The following SLC17A2 variants were observed in gnomAD, a reference collection of about 807,000 sequenced individuals.
SLC17A2 encodes the protein solute carrier family 17 member 2.
A neutral mutation model predicts 52.1 loss-of-function variants in SLC17A2; 38 were observed. The ratio of observed to expected loss-of-function variants is 0.73; its 90% CI spans 0.56 to 0.96. SLC17A2 has a LOEUF of 0.96. Ranked by LOEUF, SLC17A2 falls within the 40% of genes least tolerant of loss-of-function variation. The pLI is 0.00. For synonymous variants in SLC17A2, 226 were observed against 211.9 expected, an observed-to-expected ratio of 1.07 and a Z score of -0.58; for missense variants, 508 against 583.9, an observed-to-expected ratio of 0.87 and a Z score of 1.34.
intron 1 of SLC17A2, among the ~76,000 whole-genome samples, chr6:25,927,234 G>A (rs2151560228): frequency 6.6e-6 from 1 of 152,300 alleles, no homozygotes; most frequent in African/African-American, 2.4e-5. Context: ...GAAAAATTGT[G>A]TCCAAAAATA....
At chr6:25,925,191 G>A (rs1766713737) in intron 2 of SLC17A2, among the ~76,000 whole-genome samples, 1 of 152,130 alleles carries the variant, frequency 6.6e-6, no homozygotes, top group African/African-American at 2.4e-5. Context: ...GAATATTATA[G>A]TAGGGATTCA....
At chr6:25,914,077 C>T (rs1368991428) in intron 11 of SLC17A2, among the ~76,000 whole-genome samples, 3 of 152,186 alleles carry the variant, frequency 2.0e-5, no homozygotes, top group Admixed American at 2.0e-4. Context: ...TTTTCATCTT[C>T]CTCATGAGCC....
rs1766167845 is a variant in SLC17A2, at chr6:25,913,238, G to A, written c.*79C>T. ...AGAGTTAAGAACTGCTGAGTCTATG[G>A]TCAGGAATATGGAGAGAAGTAAAAA... On this transcript the variant is annotated 3_prime_UTR_variant, in exon 12 of 12. Coordinates refer to ENST00000377850, the MANE Select transcript of SLC17A2 (RefSeq NM_001286123.3). The A allele has an allele frequency of 2.0e-6, 3 of 1,496,974 alleles. No individual in the cohort carries two copies. Among genetic ancestry groups the A allele is most frequent in the Non-Finnish European group, 1.9e-6 (2 of 1,074,866 alleles). 92.7% of individuals were successfully genotyped at this position (1,496,974 alleles called of 1,614,324 possible).
Position 25,921,380 on chromosome 6 carries a change from C to T in SLC17A2, c.273G>A (p.Gln91=), listed in dbSNP as rs1308985658. The change falls in exon 4 of 12, where the codon CAG becomes CAA. Residue 91 remains glutamine, a synonymous_variant. Coordinates refer to ENST00000377850, the MANE Select transcript of SLC17A2 (RefSeq NM_001286123.3). Reference sequence around the variant, plus strand: ...AGTTGATGGAGCTAAAGATGATACCCTGAGTTTCTGGGCTCCATTGATACA... The same window carrying T: ...AGTTGATGGAGCTAAAGATGATACCTTGAGTTTCTGGGCTCCATTGATACA... ...ASVYQWSPET[Q]GIIFSSINYG... is the part of the protein sequence containing the mutation. 1.2e-6 allele frequency: 2 copies of T among 1,614,034 alleles called. No homozygotes were observed. Among genetic ancestry groups the T allele is most frequent in the Admixed American group, 1.7e-5 (1 of 60,024 alleles).
At chr6:25,918,778 G>A (rs1446965161) in intron 5 of SLC17A2, among the ~76,000 whole-genome samples, 2 of 152,172 alleles carry the variant, frequency 1.3e-5, no homozygotes, top group Non-Finnish European at 2.9e-5. Context: ...CACACTCTCT[G>A]ATTCTTCAAT....
intron 5 of SLC17A2, 48 bp from the exon 6 acceptor site, chr6:25,918,621 G>A: frequency 7.7e-7 from 1 of 1,301,010 alleles, no homozygotes; most frequent in Non-Finnish European, 1.1e-6. Context: ...CAAAGGCTGA[G>A]ACTTCGTGGC....
intron 5 of SLC17A2, among the ~76,000 whole-genome samples, chr6:25,920,704 AT>A: frequency 6.6e-6 from 1 of 152,232 alleles, no homozygotes. Flanking sequence ...ATCTTTTTCC[AT>A]GTGTGCAATT....
In SLC17A2 at chr6:25,913,108, G is replaced by A; in HGVS notation, c.*209C>T. ...ACCTCTAAGGAGTATCTAAAAATTAGTAGTATCTGGGTTCCACCCCAGACC... is the reference window on the plus strand; with the variant it reads ...ACCTCTAAGGAGTATCTAAAAATTAATAGTATCTGGGTTCCACCCCAGACC... On this transcript the variant is annotated 3_prime_UTR_variant, in exon 12 of 12. Coordinates refer to ENST00000377850, the MANE Select transcript of SLC17A2 (RefSeq NM_001286123.3). The A allele has an allele frequency of 1.9e-6, 1 of 530,088 alleles. No individual in the cohort carries two copies. The highest frequency in any genetic ancestry group is 3.4e-6 in the Non-Finnish European group (1 of 295,720). The allele number at this position is 530,088 out of a possible 1,614,324, so 32.8% of individuals were successfully genotyped here.
Position 25,928,634 on chromosome 6 carries a change from A to G in SLC17A2, c.-84+1643T>C, listed in dbSNP as rs945756900. Among the ~76,000 whole-genome samples the G allele has an allele frequency of 3.3e-5, 5 of 152,348 alleles. No homozygotes were observed. The East Asian group carries it at 9.6e-4, about 29-fold the overall frequency. On this transcript the variant is annotated intron_variant, in intron 1 of 11. Transcript: ENST00000377850. ...AGACGAATGCAGAAATCAGGCTAAC[A>G]TACCAAACCATCCTAAACTGAGGTC...
chr6:25,914,662 C>T lies in SLC17A2; in HGVS notation c.1220G>A (p.Ser407Asn). ...NTLDIAPRYASFLMGISRGFG... is the reference protein window; with the variant it reads ...NTLDIAPRYANFLMGISRGFG... ...TCCCCTTGAGATTCCCATGAGGAAACTTGCATATCTGTGGGAAGATGATTT... is the reference window on the plus strand; with the variant it reads ...TCCCCTTGAGATTCCCATGAGGAAATTTGCATATCTGTGGGAAGATGATTT... Residue 407 changes from serine to asparagine, a missense_variant, in exon 11 of 12, where the codon AGT (serine) becomes AAT (asparagine). Physicochemically the swap from Ser to Asn is conservative, Grantham distance 46. Transcript: ENST00000377850. 3 of 1,601,784 alleles carry T rather than the reference C, an allele frequency of 1.9e-6. No individual in the cohort carries two copies. The highest frequency in any genetic ancestry group is 2.6e-6 in the Non-Finnish European group (3 of 1,168,828).
intron 10 of SLC17A2, among the ~76,000 whole-genome samples, chr6:25,915,132 G>A (rs1766251329): frequency 1.3e-5 from 1 of 79,942 alleles, no homozygotes; most frequent in Non-Finnish European, 2.7e-5. Flanking sequence ...TGGCACAGGA[G>A]CTGGCTTATT....
At chr6:25,925,997 T>TG (rs1766751424) in intron 1 of SLC17A2, 118 bp from the exon 2 acceptor site, 3 of 629,568 alleles carry the variant, frequency 4.8e-6, no homozygotes, top group Non-Finnish European at 8.6e-6. Context: ...TTACATTTTA[T>TG]GGGGCACTAC....
At chr6:25,921,433 C>G in intron 3 of SLC17A2, 21 bp from the exon 4 acceptor site, 1 of 1,562,256 alleles carries the variant, frequency 6.4e-7, no homozygotes. Context: ...AATAGGAAAA[C>G]TCTTTGTCAA....
At position 25,923,720 on chromosome 6, in the gene SLC17A2, A is replaced by G. The variant is rs370678469; in HGVS notation, c.215T>C (p.Ile72Thr). 3.1e-6 allele frequency: 5 copies of G among 1,614,106 alleles called. No homozygotes were observed. The highest frequency in any genetic ancestry group is 4.2e-6 in the Non-Finnish European group (5 of 1,179,980). Reference sequence around the variant, plus strand: ...CTTTGTATCAAATTCCTTGATGGATATGCTGGAGTTATTGAAGGCATCTGC... The same window carrying G: ...CTTTGTATCAAATTCCTTGATGGATGTGCTGGAGTTATTGAAGGCATCTGC... ...PVADAFNNSS[I>T]SIKEFDTKAS... is the part of the protein sequence containing the mutation. Residue 72 changes from isoleucine to threonine, a missense_variant, in exon 3 of 12, where the codon ATA becomes ACA. Physicochemically the swap from Ile to Thr is moderately conservative, Grantham distance 89. Transcript: ENST00000377850.
chr6:25,915,687 C>G, intron 9 of SLC17A2, 41 bp from the exon 10 acceptor site: 1 of 1,612,916 alleles, frequency 6.2e-7, no homozygotes, highest in Non-Finnish European at 8.5e-7. Context: ...CCTCTGAGAC[C>G]ATGTGCAGAA....
Position 25,916,686 on chromosome 6 carries a change from T to C in SLC17A2, c.929A>G (p.Asp310Gly), listed in dbSNP as rs1766329993. The part of the protein sequence containing the change: ...ISTLLHVNIR[D>G]SGVLSSLPFI... ...TAGAAGTATAGGAAGTAAACTCACATCTCTGATGTTAACATGGAGCAGAGT... is the reference window on the plus strand; with the variant it reads ...TAGAAGTATAGGAAGTAAACTCACACCTCTGATGTTAACATGGAGCAGAGT... Residue 310 changes from aspartate to glycine, a missense_variant and splice_region_variant, in exon 8 of 12, where the codon GAT becomes GGT. Transcript: ENST00000377850. 1 of 1,611,004 alleles carries C rather than the reference T, an allele frequency of 6.2e-7. No homozygotes were observed. Among genetic ancestry groups the C allele is most frequent in the South Asian group, 1.1e-5 (1 of 91,004 alleles).
Position 25,913,339 on chromosome 6 carries a change from TC to T in SLC17A2, c.1414del (p.Glu472ArgfsTer15), listed in dbSNP as rs751820022. The T allele has an allele frequency of 6.2e-7, 1 of 1,614,176 alleles. No homozygotes were observed. The highest frequency in any genetic ancestry group is 8.5e-7 in the Non-Finnish European group (1 of 1,180,008). ...TCCTCAGAGGCGGGTAAGGGTCCTCTCTTTGGCCCAGTCTTGAAGTTCTGCT... is the reference window on the plus strand; with the variant it reads ...TCCTCAGAGGCGGGTAAGGGTCCTCTTTTGGCCCAGTCTTGAAGTTCTGCT... ...GQAELQDWAK[E>X]RTLTRL is the part of the protein sequence containing the mutation. On this transcript the variant is annotated frameshift_variant, in exon 12 of 12. Transcript: ENST00000377850. LOFTEE classifies it high-confidence loss of function.
chr6:25,927,215 G>A (rs942836763), intron 1 of SLC17A2, among the ~76,000 whole-genome samples: 2 of 152,166 alleles, frequency 1.3e-5, no homozygotes, highest in Admixed American at 1.3e-4. Context: ...TATAAAGAAA[G>A]GCATAGATGA....
intron 7 of SLC17A2, 49 bp from the exon 8 acceptor site, chr6:25,916,895 T>G (rs1180203647): frequency 1.9e-6 from 3 of 1,609,836 alleles, no homozygotes; most frequent in Non-Finnish European, 2.5e-6. Flanking sequence ...GCCAAGATGG[T>G]GCCTCTCAGA....
Sources: gnomAD v4.1 joint callset for allele counts (sites outside exome capture counted in the v4.1 genomes callset) on GRCh38, gnomAD v4.1.1 for gene constraint, MANE v1.5 for transcripts, NCBI Gene and HGNC (gene_info 2026-07-23, HGNC 2026-07-21) for gene names.